Variants in DYNLT2B observed in about 807,000 individuals in gnomAD.
The protein encoded by DYNLT2B is dynein light chain Tctex-type 2B, also known as dynein light chain Tctex-type protein 2B.
Under a neutral mutation model 19.5 loss-of-function variants are expected in DYNLT2B, and 14 were observed. The ratio of observed to expected loss-of-function variants is 0.72; its 90% CI spans 0.47 to 1.12. DYNLT2B has a LOEUF of 1.12. Among genes scored for constraint, DYNLT2B ranks in the 50% most tolerant of loss-of-function variants. The probability of loss-of-function intolerance (pLI) is 0.00; values close to 1 mark genes in which losing one functional copy is unlikely to be tolerated. For synonymous variants in DYNLT2B, 70 were observed against 59.7 expected, an observed-to-expected ratio of 1.17 and a Z score of -0.79; for missense variants, 133 against 174.7, an observed-to-expected ratio of 0.76 and a Z score of 1.35.
rs1430293086 is a variant in DYNLT2B, at chr3:196,316,295, G to T, written c.114-64C>A. On this transcript the variant is annotated intron_variant, in intron 1 of 4. Transcript: ENST00000325318. ...CACAACCCCAGCTTACCTTCATACC[G>T]CAACTTCTCCCATCTTTTTGTCATT... 3.3e-6 allele frequency: 5 copies of T among 1,500,146 alleles called. No homozygotes were observed. The African/African-American group carries it at 7.0e-5, about 21-fold the overall frequency. 92.9% of individuals were successfully genotyped at this position (1,500,146 alleles called of 1,614,324 possible).
chr3:196,318,106 G>C lies in DYNLT2B; in HGVS notation c.47C>G (p.Pro16Arg), dbSNP rs1229270060. The change falls in exon 1 of 5, where the codon CCT (proline) becomes CGT (arginine). Residue 16 changes from proline (P) to arginine (R), a missense_variant. Transcript: ENST00000325318. ...CTCCCCTGCGTTCTTCTCAGCCTCA[G>C]GCACCCCGTCGCCCACCGAGAAGGA... ...GVSFSVGDGV[P>R]EAEKNAGEPE... The C allele has an allele frequency of 6.6e-7, 1 of 1,519,986 alleles. No individual in the cohort carries two copies. Among genetic ancestry groups the C allele is most frequent in the Non-Finnish European group, 8.8e-7 (1 of 1,139,996 alleles). 94.2% of individuals were successfully genotyped at this position (1,519,986 alleles called of 1,614,324 possible).
chr3:196,304,852 A>C (rs1252621483), intron 3 of DYNLT2B, among the ~76,000 whole-genome samples: 1 of 152,138 alleles, frequency 6.6e-6, no homozygotes, highest in Non-Finnish European at 1.5e-5. Context: ...AATGGAAACT[A>C]GAAGACAAGG....
At chr3:196,315,314 G>A (rs1441651276) in intron 2 of DYNLT2B, 1 of 388,448 alleles carries the variant, frequency 2.6e-6, no homozygotes, top group African/African-American at 2.2e-5. Context: ...CCAGGCTGGA[G>A]TGCAGTGACG....
chr3:196,299,242 G>A (rs1469929198), intron 3 of DYNLT2B, among the ~76,000 whole-genome samples: 9 of 151,878 alleles, frequency 5.9e-5, no homozygotes, highest in East Asian at 5.8e-4. Flanking sequence ...CCACCACCAC[G>A]CCCGGCTAAT....
chr3:196,298,851 T>C (rs1726282186), intron 3 of DYNLT2B, among the ~76,000 whole-genome samples: 1 of 152,066 alleles, frequency 6.6e-6, no homozygotes, highest in Admixed American at 6.5e-5. Flanking sequence ...AAAGAACAAA[T>C]TACTGAGGGA....
In DYNLT2B at chr3:196,304,698, A is replaced by T. The variant is rs536337552; in HGVS notation, c.317+2245T>A. On this transcript the variant is annotated intron_variant, in intron 3 of 4. Coordinates refer to ENST00000325318, the MANE Select transcript of DYNLT2B (RefSeq NM_152773.5). ...AAAAGCGAAACTCCATCTCAAAAAA[A>T]AAACAACAAAAAAATCAATCCATAG... Among the ~76,000 whole-genome samples the T allele has an allele frequency of 2.1e-5, 3 of 140,096 alleles. No individual in the cohort carries two copies. The South Asian group carries it at 6.9e-4, about 32-fold the overall frequency. The allele number at this position is 140,096 out of a possible 152,430, so 91.9% of individuals were successfully genotyped here. A position where few individuals can be genotyped will look rare whatever the true frequency, so the allele number is the denominator to read the frequency against.
intron 3 of DYNLT2B, among the ~76,000 whole-genome samples, chr3:196,306,554 T>C (rs1184898639): frequency 6.6e-6 from 1 of 152,120 alleles, no homozygotes; most frequent in Non-Finnish European, 1.5e-5. Context: ...AGATATTTTA[T>C]TTATTTATTT....
intron 4 of DYNLT2B, among the ~76,000 whole-genome samples, chr3:196,293,732 C>A (rs1394661232): frequency 6.7e-5 from 10 of 148,434 alleles, no homozygotes; most frequent in Non-Finnish European, 1.3e-4. Flanking sequence ...GCAACCTCTG[C>A]CTCCCAGGTT....
intron 2 of DYNLT2B, among the ~76,000 whole-genome samples, chr3:196,307,300 C>CT (rs971346270): frequency 1.3e-5 from 2 of 151,884 alleles, no homozygotes; most frequent in African/African-American, 4.8e-5. Flanking sequence ...ATAGTAGTAT[C>CT]TTTTTTTTGT....
chr3:196,314,148 C>T (rs906515478), intron 2 of DYNLT2B, among the ~76,000 whole-genome samples: 9 of 151,544 alleles, frequency 5.9e-5, no homozygotes, highest in Non-Finnish European at 1.2e-4. Context: ...TTTATTACAA[C>T]GAGCATGTAT....
rs372566543 is a variant in DYNLT2B, at chr3:196,299,824, G to A, written c.318-3755C>T. On this transcript the variant is annotated intron_variant, in intron 3 of 4. Coordinates refer to ENST00000325318, the MANE Select transcript of DYNLT2B (RefSeq NM_152773.5). ...CGGGCGCCTGTAGTCCCAGCTACTC[G>A]GGAGGCTGAGGCAGGAGAATGGCGT... is the stretch of plus-strand genomic sequence containing the variant. Among the ~76,000 whole-genome samples, 681 of 152,226 alleles carry A rather than the reference G, an allele frequency of 4.5e-3. 16 individuals are homozygous for A. In the South Asian group the frequency reaches 0.07, roughly 16 times the overall value.
At chr3:196,317,730 A>G (rs1012224124) in intron 1 of DYNLT2B, among the ~76,000 whole-genome samples, 2 of 152,124 alleles carry the variant, frequency 1.3e-5, no homozygotes, top group African/African-American at 4.8e-5. Flanking sequence ...TCCTGCCTCT[A>G]TTCTACCCAT....
chr3:196,294,984 C>T (rs576619917), intron 4 of DYNLT2B, among the ~76,000 whole-genome samples: 1 of 152,118 alleles, frequency 6.6e-6, no homozygotes, highest in East Asian at 1.9e-4. Context: ...TCAAGTGATC[C>T]ACATGCCTCG....
intron 4 of DYNLT2B, among the ~76,000 whole-genome samples, chr3:196,291,753 C>T (rs1057173427): frequency 7.2e-5 from 11 of 152,198 alleles, no homozygotes; most frequent in Non-Finnish European, 1.0e-4. Context: ...GTGCTGGGAT[C>T]ATAGGCGTGA....
In DYNLT2B at chr3:196,317,154, A is replaced by AGTGT. The variant is rs199908321; in HGVS notation, c.113+882_113+885dup. Reference sequence around the variant, plus strand: ...GCCCGTGAGCCTGACATTTTTTTTCAGTGTGTGTGTGTGTGTGTGTGTGTG... The same window carrying AGTGT: ...GCCCGTGAGCCTGACATTTTTTTTCAGTGTGTGTGTGTGTGTGTGTGTGTGTGTG... On this transcript the variant is annotated intron_variant, in intron 1 of 4. Coordinates refer to ENST00000325318, the MANE Select transcript of DYNLT2B (RefSeq NM_152773.5). Among the ~76,000 whole-genome samples, 53 of 34,946 alleles carry AGTGT rather than the reference A, an allele frequency of 1.5e-3. 3 individuals are homozygous for AGTGT. The highest frequency in any genetic ancestry group is 5.2e-3 in the African/African-American group (43 of 8,300). The allele number at this position is 34,946 out of a possible 152,430, so 22.9% of individuals were successfully genotyped here. A position where few individuals can be genotyped will look rare whatever the true frequency, so the allele number is the denominator to read the frequency against.
At chr3:196,313,873 G>A (rs945927906) in intron 2 of DYNLT2B, among the ~76,000 whole-genome samples, 3 of 151,638 alleles carry the variant, frequency 2.0e-5, no homozygotes, top group Admixed American at 6.6e-5. Context: ...CGAGGCGGAC[G>A]GATCACCTGA....
At chr3:196,293,042 T>TA (rs1253834506) in intron 4 of DYNLT2B, among the ~76,000 whole-genome samples, 1 of 152,112 alleles carries the variant, frequency 6.6e-6, no homozygotes, top group Non-Finnish European at 1.5e-5. Flanking sequence ...TTAGTAGAGA[T>TA]GGGGTTTCAC....
At position 196,316,890 on chromosome 3, in the gene DYNLT2B, A is replaced by AGTGTGTGTGTGTGTGTGT. The variant is rs377469506; in HGVS notation, c.114-677_114-660dup. Among the ~76,000 whole-genome samples, 10 of 74,198 alleles carry AGTGTGTGTGTGTGTGTGT rather than the reference A, an allele frequency of 1.3e-4. 1 individual carries two copies. Among genetic ancestry groups the AGTGTGTGTGTGTGTGTGT allele is most frequent in the Admixed American group, 2.8e-4 (2 of 7,162 alleles). 48.7% of individuals were successfully genotyped at this position (74,198 alleles called of 152,430 possible). A position where few individuals can be genotyped will look rare whatever the true frequency, so the allele number is the denominator to read the frequency against. On this transcript the variant is annotated intron_variant, in intron 1 of 4. Transcript: ENST00000325318. ...GGCCCGTGAGCCTGACATTTTTTTC[A>AGTGTGTGTGTGTGTGTGT]GTGTGTGTGTGTGTGTGTTGTGTGG... is the stretch of plus-strand genomic sequence containing the variant.
rs200389535 is a variant in DYNLT2B, at chr3:196,318,181, C to T, written c.-29G>A. 4 of 1,367,510 alleles carry T rather than the reference C, an allele frequency of 2.9e-6. No individual in the cohort carries two copies. In the Admixed American group the frequency reaches 1.0e-4, roughly 35 times the overall value. 84.7% of individuals were successfully genotyped at this position (1,367,510 alleles called of 1,614,324 possible). ...GGGGCTTCTCGGTCCGGGCGTAGCT[C>T]GCGATGAAGGCCTAGCGGGTTGCGG... On this transcript the variant is annotated 5_prime_UTR_variant, in exon 1 of 5. Coordinates refer to ENST00000325318, the MANE Select transcript of DYNLT2B (RefSeq NM_152773.5).
Sources: gnomAD v4.1 joint callset for allele counts (sites outside exome capture counted in the v4.1 genomes callset) on GRCh38, gnomAD v4.1.1 for gene constraint, MANE v1.5 for transcripts, NCBI Gene and HGNC (gene_info 2026-07-23, HGNC 2026-07-21) for gene names.